The following ISM1 variants were observed in gnomAD, a reference collection of about 807,000 sequenced individuals.
ISM1 encodes isthmin-1.
Under a neutral mutation model 46.3 loss-of-function variants are expected in ISM1, and 25 were observed. The ratio of observed to expected loss-of-function variants is 0.54; its 90% CI spans 0.39 to 0.75. The LOEUF (loss-of-function observed/expected upper bound fraction) is 0.75, where lower values mean the gene tolerates loss of function less well. ISM1 is among the 30% of genes least tolerant of loss of function. ISM1 has a pLI of 0.00. For synonymous variants in ISM1, 255 were observed against 256.7 expected (o/e 0.99, Z 0.06); for missense variants, 536 against 625.4 (o/e 0.86, Z 1.52).
At position 13,299,778 on chromosome 20, in the gene ISM1, G is replaced by A. The variant is rs191446035; in HGVS notation, c.*319G>A. 1.9e-5 allele frequency: 5 copies of A among 258,908 alleles called. No homozygotes were observed. Among genetic ancestry groups the A allele is most frequent in the African/African-American group, 1.1e-4 (5 of 46,520 alleles). 16.0% of individuals were successfully genotyped at this position (258,908 alleles called of 1,614,324 possible). On this transcript the variant is annotated 3_prime_UTR_variant, in exon 6 of 6. Coordinates refer to ENST00000262487, the MANE Select transcript of ISM1 (RefSeq NM_080826.2). This position sits in a 1 kb window ranked among gnomAD's most constrained non-coding sequence, Gnocchi z 5.8. ...GCGACTCAATTCACACCCGGATCCA[G>A]AGTTTCAAAGAGAGGCAAAGGGGGA...
chr20:13,255,994 G>A lies in ISM1; in HGVS notation c.139-14510G>A, dbSNP rs575465811. Among the ~76,000 whole-genome samples, 9 of 151,948 alleles carry A rather than the reference G, an allele frequency of 5.9e-5. No individual in the cohort carries two copies. The East Asian group carries it at 7.8e-4, about 13-fold the overall frequency. On this transcript the variant is annotated intron_variant, in intron 1 of 5. Transcript: ENST00000262487. The stretch of plus-strand genomic sequence containing the variant: ...ATTTGTAATTTAGTCATGGAAAACC[G>A]TGAAGATCCACCAGGCAGTGATACC...
In ISM1 at chr20:13,221,838, T is replaced by C; in HGVS notation, c.62T>C (p.Ile21Thr). 1 of 1,452,376 alleles carries C rather than the reference T, an allele frequency of 6.9e-7. No homozygotes were observed. The highest frequency in any genetic ancestry group is 9.0e-7 in the Non-Finnish European group (1 of 1,108,126). The allele number at this position is 1,452,376 out of a possible 1,614,324, so 90.0% of individuals were successfully genotyped here. A position where few individuals can be genotyped will look rare whatever the true frequency, so the allele number is the denominator to read the frequency against. ...GGGCTGCTGCTGCTCACGCTGCACA[T>C]CACCGTGCTGCGCGGCTCGGGAGCC... Reference protein sequence around the residue: ...LLGLLLLTLHITVLRGSGAAD... With the variant: ...LLGLLLLTLHTTVLRGSGAAD... The change falls in exon 1 of 6, where the codon ATC (isoleucine) becomes ACC (threonine). Residue 21 changes from isoleucine (I) to threonine (T), a missense_variant. Transcript: ENST00000262487.
At chr20:13,289,022 G>A (rs2040324643) in intron 4 of ISM1, among the ~76,000 whole-genome samples, 2 of 152,104 alleles carry the variant, frequency 1.3e-5, no homozygotes, top group Admixed American at 1.3e-4. Context: ...TCCTGACCTT[G>A]TGATCCGCCC....
chr20:13,233,367 G>A (rs1293255545), intron 1 of ISM1, among the ~76,000 whole-genome samples: 16 of 151,938 alleles, frequency 1.1e-4, no homozygotes, highest in Non-Finnish European at 1.9e-4. Context: ...AGGCCAAGGC[G>A]GGTGGATCAC....
intron 3 of ISM1, among the ~76,000 whole-genome samples, chr20:13,282,864 C>T (rs539686618): frequency 6.6e-6 from 1 of 152,292 alleles, no homozygotes; most frequent in South Asian, 2.1e-4. Flanking sequence ...AGCCCTCCGA[C>T]CACACTTTGA....
the ISM1 span, among the ~76,000 whole-genome samples, chr20:13,312,622 C>T: frequency 2.6e-5 from 4 of 152,204 alleles, no homozygotes; most frequent in Non-Finnish European, 4.4e-5. Context: ...CTCTCTCCTG[C>T]TCTCCTGCCT....
At chr20:13,266,292 G>A (rs1044604096) in intron 1 of ISM1, among the ~76,000 whole-genome samples, 2 of 152,176 alleles carry the variant, frequency 1.3e-5, no homozygotes, top group Non-Finnish European at 2.9e-5. Flanking sequence ...GTAAGAAGAG[G>A]ATATTTTTAT....
chr20:13,300,983 C>A (rs767771453), downstream of ISM1, among the ~76,000 whole-genome samples: 1 of 152,202 alleles, frequency 6.6e-6, no homozygotes, highest in South Asian at 2.1e-4. Context: ...AACTACTCAT[C>A]ATGAAAAGTA....
chr20:13,257,492 G>C (rs1364379182), intron 1 of ISM1, among the ~76,000 whole-genome samples: 1 of 152,080 alleles, frequency 6.6e-6, no homozygotes, highest in Non-Finnish European at 1.5e-5. Context: ...TCAGTTCTCT[G>C]CCTCATCTGA....
the ISM1 span, among the ~76,000 whole-genome samples, chr20:13,321,253 T>TAAAAAAAAAAAAAAAAAAAAAAA: frequency 4.7e-4 from 27 of 57,516 alleles, 1 homozygote; most frequent in African/African-American, 6.1e-4. Flanking sequence ...GTGCCCCACA[T>TAAAAAAAAAAAAAAAAAAAAAAA]AAAAAAAAAA....
chr20:13,296,939 AC>A (rs1206649521), intron 5 of ISM1, among the ~76,000 whole-genome samples: 2 of 151,734 alleles, frequency 1.3e-5, no homozygotes, highest in African/African-American at 4.8e-5. Flanking sequence ...AATTGCTTGA[AC>A]CCGGGCAGCA....
At chr20:13,262,515 CAT>C (rs60487379) in intron 1 of ISM1, among the ~76,000 whole-genome samples, 31,842 of 151,668 alleles carry the variant, frequency 0.21, 3,709 homozygotes, top group East Asian at 0.44. Context: ...CTGCTTCTTA[CAT>C]GTTTTCTTAC....
chr20:13,298,391 C>G (rs1223735508), intron 5 of ISM1, among the ~76,000 whole-genome samples: 1 of 152,182 alleles, frequency 6.6e-6, no homozygotes, highest in African/African-American at 2.4e-5. Context: ...GCTGGGATTA[C>G]AGGCATATGC....
At chr20:13,227,189 A>C (rs1376099063) in intron 1 of ISM1, among the ~76,000 whole-genome samples, 6 of 151,344 alleles carry the variant, frequency 4.0e-5, no homozygotes, top group Non-Finnish European at 8.8e-5. Context: ...TTGACTTTTT[A>C]ATTTACTTTT....
At chr20:13,231,386 A>C (rs2039586459) in intron 1 of ISM1, among the ~76,000 whole-genome samples, 1 of 152,236 alleles carries the variant, frequency 6.6e-6, no homozygotes, top group African/African-American at 2.4e-5. Context: ...GGTCACGCCT[A>C]GGCAAAGCCT....
intron 1 of ISM1, among the ~76,000 whole-genome samples, chr20:13,223,354 A>G (rs2039475217): frequency 6.6e-6 from 1 of 152,170 alleles, no homozygotes; most frequent in Admixed American, 6.5e-5. Context: ...TGTGTTTACT[A>G]CGTGCCACCG....
chr20:13,251,307 G>A (rs1239862555), intron 1 of ISM1, among the ~76,000 whole-genome samples: 2 of 152,154 alleles, frequency 1.3e-5, no homozygotes, highest in Non-Finnish European at 2.9e-5. Flanking sequence ...AGCTTTTATT[G>A]TAAAAATGTT....
chr20:13,247,204 C>G (rs1406802726), intron 1 of ISM1, among the ~76,000 whole-genome samples: 2 of 151,830 alleles, frequency 1.3e-5, no homozygotes, highest in Non-Finnish European at 2.9e-5. Context: ...GCACTCCAGC[C>G]TGGGCAAAAA....
the ISM1 span, among the ~76,000 whole-genome samples, chr20:13,322,475 G>C: frequency 2.0e-5 from 3 of 152,182 alleles, no homozygotes; most frequent in South Asian, 6.2e-4. Context: ...AAACAGATCA[G>C]TTTCCTTTGA....
Sources: allele counts gnomAD v4.1 joint callset (sites outside exome capture counted in the v4.1 genomes callset), GRCh38; gene constraint gnomAD v4.1.1; non-coding constraint Gnocchi (gnomAD v3.1); transcripts MANE v1.5; gene names NCBI Gene and HGNC (gene_info 2026-07-23, HGNC 2026-07-21).